MAGI3: variants seen among roughly 807,000 people sequenced by gnomAD.
The protein encoded by MAGI3 is membrane-associated guanylate kinase, WW and PDZ domain-containing protein 3.
A neutral mutation model predicts 121.8 loss-of-function variants in MAGI3; 43 were observed. The ratio of observed to expected loss-of-function variants is 0.35; its 90% CI spans 0.28 to 0.46. MAGI3 has a LOEUF of 0.46. Ranked by LOEUF, MAGI3 falls within the 20% of genes least tolerant of loss-of-function variation. The probability of loss-of-function intolerance (pLI) is 1.00; values close to 1 mark genes in which losing one functional copy is unlikely to be tolerated. For missense variants in MAGI3, 1,547 were observed against 1,797.3 expected (o/e 0.86, Z 2.52); for synonymous variants, 553 against 639.3 (o/e 0.86, Z 2.04).
intron 1 of MAGI3, among the ~76,000 whole-genome samples, chr1:113,506,415 CTTT>C (rs1230551360): frequency 2.1e-5 from 3 of 142,888 alleles, no homozygotes; most frequent in Admixed American, 7.0e-5. Context: ...CCTCATATCC[CTTT>C]TTTTTTTTTT....
chr1:113,549,736 A>G, intron 2 of MAGI3, 105 bp downstream of exon 2: 1 of 588,130 alleles, frequency 1.7e-6, no homozygotes, highest in Non-Finnish European at 2.9e-6. Context: ...AATTGTGAAG[A>G]CTAAGTTGGG....
chr1:113,486,684 C>T (rs368741844), intron 1 of MAGI3, among the ~76,000 whole-genome samples: 8 of 133,870 alleles, frequency 6.0e-5, no homozygotes, highest in East Asian at 2.7e-4. Context: ...CAGGGCCTTG[C>T]GATTTCACCC....
At position 113,683,336 on chromosome 1, in the gene MAGI3, C is replaced by T; in HGVS notation, c.3768C>T (p.Leu1256=). The part of the protein sequence containing the change: ...NPKRRPRDQS[L]SPSKGENKSC... Reference sequence around the variant, plus strand: ...AAAGAAGACCCAGAGATCAATCCCTCAGCCCCAGCAAAGGGGAAAATAAAA... The same window carrying T: ...AAAGAAGACCCAGAGATCAATCCCTTAGCCCCAGCAAAGGGGAAAATAAAA... The change falls in exon 21 of 21, where the codon CTC becomes CTT. Residue 1256 remains leucine, a synonymous_variant. Coordinates refer to ENST00000307546, the MANE Select transcript of MAGI3 (RefSeq NM_001142782.2). 1 of 1,613,966 alleles carries T rather than the reference C, an allele frequency of 6.2e-7. No individual in the cohort carries two copies. Among genetic ancestry groups the T allele is most frequent in the Non-Finnish European group, 8.5e-7 (1 of 1,179,892 alleles).
At chr1:113,639,270 A>C (rs1488157902) in intron 9 of MAGI3, among the ~76,000 whole-genome samples, 1 of 152,226 alleles carries the variant, frequency 6.6e-6, no homozygotes, top group Non-Finnish European at 1.5e-5. Context: ...GGCACTCCCT[A>C]GTGAGATGAA....
chr1:113,677,583 T>C (rs1461479292), intron 19 of MAGI3, among the ~76,000 whole-genome samples: 1 of 152,246 alleles, frequency 6.6e-6, no homozygotes, highest in Non-Finnish European at 1.5e-5. Context: ...ATATAAGCCA[T>C]GTGGTAGAAA....
intron 1 of MAGI3, among the ~76,000 whole-genome samples, chr1:113,513,617 AAAATT>A (rs1398383824): frequency 4.6e-5 from 7 of 152,178 alleles, no homozygotes; most frequent in African/African-American, 1.4e-4. Flanking sequence ...ACCTTATACA[AAAATT>A]AATTCAAGAT....
At position 113,673,914 on chromosome 1, in the gene MAGI3, G is replaced by A. The variant is rs186476494; in HGVS notation, c.3189+449G>A. ...GAGGTAACTAGAGGCTGAAAAGCGTGGCTCTCAACATTTCTTATTGTTTGA... is the reference window on the plus strand; with the variant it reads ...GAGGTAACTAGAGGCTGAAAAGCGTAGCTCTCAACATTTCTTATTGTTTGA... On this transcript the variant is annotated intron_variant, in intron 19 of 20. Transcript: ENST00000307546. 1.0e-3 allele frequency among the ~76,000 whole-genome samples: 154 copies of A among 152,236 alleles called. 2 individuals carry two copies. Among genetic ancestry groups the A allele is most frequent in the Non-Finnish European group, 3.7e-4 (25 of 68,014 alleles).
At chr1:113,551,171 C>G (rs1026082352) in intron 2 of MAGI3, among the ~76,000 whole-genome samples, 1 of 152,048 alleles carries the variant, frequency 6.6e-6, no homozygotes, top group African/African-American at 2.4e-5. Flanking sequence ...CTCAGAAACT[C>G]TCTATATAGA....
chr1:113,545,288 A>G (rs1184921326), intron 1 of MAGI3, among the ~76,000 whole-genome samples: 2 of 152,210 alleles, frequency 1.3e-5, no homozygotes, highest in Admixed American at 1.3e-4. Context: ...CCATGAATCA[A>G]TATGAATTTA....
intron 1 of MAGI3, among the ~76,000 whole-genome samples, chr1:113,413,262 G>A (rs905909727): frequency 6.6e-6 from 1 of 152,148 alleles, no homozygotes; most frequent in Admixed American, 6.6e-5. Flanking sequence ...CAAGTACCAT[G>A]CTGTTTTGGT....
intron 1 of MAGI3, among the ~76,000 whole-genome samples, chr1:113,402,288 C>T (rs537167881): frequency 4.5e-4 from 68 of 152,156 alleles, no homozygotes; most frequent in African/African-American, 1.5e-3. Context: ...GTGGTATCCC[C>T]GAACCTGCAG....
intron 1 of MAGI3, among the ~76,000 whole-genome samples, chr1:113,394,640 C>G (rs1650996810): frequency 6.6e-6 from 1 of 152,106 alleles, no homozygotes; most frequent in South Asian, 2.1e-4. Context: ...GAGTTTTATG[C>G]TTCTTCATAC....
chr1:113,543,201 G>C (rs1030376883), intron 1 of MAGI3, among the ~76,000 whole-genome samples: 3 of 152,170 alleles, frequency 2.0e-5, no homozygotes, highest in African/African-American at 7.2e-5. Context: ...AATGGTGCCA[G>C]AAGATAATCG....
chr1:113,683,254 G>C lies in MAGI3; in HGVS notation c.3686G>C (p.Ser1229Thr). 1 of 1,613,228 alleles carries C rather than the reference G, an allele frequency of 6.2e-7. No homozygotes were observed. ...TCGGTTAGTCCCAAAAAGCCAGCCA[G>C]TCAACATTCAGAGGAACATTTGGAT... Reference protein sequence around the residue: ...GRSVSPKKPASQHSEEHLDKI... With the variant: ...GRSVSPKKPATQHSEEHLDKI... Residue 1229 changes from serine to threonine, a missense_variant, in exon 21 of 21, where the codon AGT becomes ACT. Coordinates refer to ENST00000307546, the MANE Select transcript of MAGI3 (RefSeq NM_001142782.2).
chr1:113,509,561 G>A (rs1237755255), intron 1 of MAGI3, among the ~76,000 whole-genome samples: 3 of 126,606 alleles, frequency 2.4e-5, no homozygotes, highest in Non-Finnish European at 4.9e-5. Flanking sequence ...TAAAGTGAAC[G>A]TACTGAGACC....
intron 1 of MAGI3, among the ~76,000 whole-genome samples, chr1:113,506,019 G>A (rs1023483361): frequency 5.3e-5 from 8 of 152,132 alleles, no homozygotes; most frequent in Non-Finnish European, 1.0e-4. Flanking sequence ...ATTTAAGAAA[G>A]CTCACTCTGA....
intron 1 of MAGI3, among the ~76,000 whole-genome samples, chr1:113,508,726 T>C (rs1657467558): frequency 6.6e-6 from 1 of 152,206 alleles, no homozygotes; most frequent in South Asian, 2.1e-4. Context: ...GCAGGAAGTA[T>C]TCCCTAATGA....
intron 9 of MAGI3, among the ~76,000 whole-genome samples, chr1:113,640,755 T>C (rs779257638): frequency 6.6e-6 from 1 of 151,258 alleles, no homozygotes; most frequent in Non-Finnish European, 1.5e-5. Flanking sequence ...GGGAGAGCAT[T>C]AGGACAAATA....
rs1357403637 is a variant in MAGI3, at chr1:113,684,817, T to TAATTA, written c.*804_*808dup. On this transcript the variant is annotated 3_prime_UTR_variant, in exon 21 of 21. Coordinates refer to ENST00000307546, the MANE Select transcript of MAGI3 (RefSeq NM_001142782.2). ...GGTCACCCTTTTTATTTCAGTTATT[T>TAATTA]AATTATGAAACCATAAAGAAGCATG... is the stretch of plus-strand genomic sequence containing the variant. 1 of 152,370 alleles carries TAATTA rather than the reference T, an allele frequency of 6.6e-6. No individual in the cohort carries two copies. The highest frequency in any genetic ancestry group is 2.4e-5 in the African/African-American group (1 of 41,464). 9.4% of individuals were successfully genotyped at this position (152,370 alleles called of 1,614,324 possible).
Sources: allele counts gnomAD v4.1 joint callset (sites outside exome capture counted in the v4.1 genomes callset), GRCh38; gene constraint gnomAD v4.1.1; transcripts MANE v1.5; gene names NCBI Gene and HGNC (gene_info 2026-07-23, HGNC 2026-07-21).